TBCK: variants seen among roughly 807,000 people sequenced by gnomAD.
The protein encoded by TBCK is TBC domain-containing protein kinase-like protein.
In TBCK, 99 loss-of-function variants were observed where a neutral mutation model predicts 113.4. The observed-to-expected ratio is 0.87, with a 90% confidence interval of 0.74 to 1.03. The LOEUF is 1.03. Ranked by LOEUF, TBCK falls within the 50% of genes least tolerant of loss-of-function variation. The pLI, the probability that TBCK is intolerant of heterozygous loss-of-function variation, is 0.00. For missense variants in TBCK, 1,045 were observed against 1,061.3 expected, an observed-to-expected ratio of 0.98 and a Z score of 0.21; for synonymous variants, 369 against 370.8, an observed-to-expected ratio of 1.00 and a Z score of 0.05.
At chr4:106,242,441 A>C in intron 12 of TBCK, 29 bp downstream of exon 12, 1 of 1,542,632 alleles carries the variant, frequency 6.5e-7, no homozygotes. Context: ...AAAAAACCTA[A>C]AGCAGAACTG....
In TBCK at chr4:106,042,821, CCA is replaced by C. The variant is rs940937394; in HGVS notation, c.*3747_*3748del. ...GCCTGTTCTAAATCAGGAACTTACC[CCA>C]GACTTTCCACTGAACAACTCTGTCT... is the stretch of plus-strand genomic sequence containing the variant. On this transcript the variant is annotated 3_prime_UTR_variant, in exon 26 of 26. Coordinates refer to ENST00000394708, the MANE Select transcript of TBCK (RefSeq NM_001163435.3). The C allele has an allele frequency of 1.3e-5, 2 of 150,874 alleles. No homozygotes were observed. Among genetic ancestry groups the C allele is most frequent in the African/African-American group, 4.8e-5 (2 of 41,394 alleles). The allele number at this position is 150,874 out of a possible 1,614,324, so 9.3% of individuals were successfully genotyped here.
chr4:106,160,397 T>C (rs1364917221), intron 23 of TBCK, among the ~76,000 whole-genome samples: 1 of 151,886 alleles, frequency 6.6e-6, no homozygotes, highest in Non-Finnish European at 1.5e-5. Context: ...TGAGAATATA[T>C]AGAGAACTCC....
At chr4:106,069,267 T>A (rs1296462503) in intron 25 of TBCK, among the ~76,000 whole-genome samples, 8 of 152,250 alleles carry the variant, frequency 5.3e-5, no homozygotes, top group Admixed American at 5.2e-4. Flanking sequence ...CTAGGGTTTT[T>A]ATGGTTTTAG....
chr4:106,255,897 T>C (rs879837486), intron 5 of TBCK, among the ~76,000 whole-genome samples: 1 of 152,138 alleles, frequency 6.6e-6, no homozygotes, highest in Non-Finnish European at 1.5e-5. Context: ...TCCTCTCCAC[T>C]GGCAGGGTGT....
At chr4:106,264,011 T>C (rs1762743953) in intron 3 of TBCK, among the ~76,000 whole-genome samples, 1 of 152,046 alleles carries the variant, frequency 6.6e-6, no homozygotes. Context: ...CAGGTAGTTT[T>C]CAATTCTGGT....
At chr4:106,156,792 G>A (rs1475039967) in intron 23 of TBCK, among the ~76,000 whole-genome samples, 1 of 152,158 alleles carries the variant, frequency 6.6e-6, no homozygotes, top group Non-Finnish European at 1.5e-5. Flanking sequence ...GGCAGGTCCA[G>A]AAATGCTGTC....
At position 106,090,489 on chromosome 4, in the gene TBCK, G is replaced by A. The variant is rs1215358270; in HGVS notation, c.2571+4993C>T. ...TAGCACTTGGCTCCCTTTTAGTCAC[G>A]CTAATCTCTCTAGCAAATGGTTGCT... On this transcript the variant is annotated intron_variant, in intron 25 of 25. Transcript: ENST00000394708. Among the ~76,000 whole-genome samples, 12 of 152,270 alleles carry A rather than the reference G, an allele frequency of 7.9e-5. 1 individual carries two copies. The South Asian group carries it at 1.2e-3, about 16-fold the overall frequency.
At chr4:106,117,090 T>G (rs1743609639) in intron 23 of TBCK, among the ~76,000 whole-genome samples, 1 of 152,088 alleles carries the variant, frequency 6.6e-6, no homozygotes, top group African/African-American at 2.4e-5. Context: ...GAGGTTTACT[T>G]CTTTGTTATT....
intron 1 of TBCK, among the ~76,000 whole-genome samples, chr4:106,313,960 A>G (rs1434266670): frequency 1.3e-5 from 2 of 152,252 alleles, no homozygotes; most frequent in Non-Finnish European, 2.9e-5. Flanking sequence ...TATCATAAAT[A>G]ATCTCCTTAG....
chr4:106,111,589 A>G (rs977984524), intron 24 of TBCK, among the ~76,000 whole-genome samples: 1 of 152,176 alleles, frequency 6.6e-6, no homozygotes, highest in Non-Finnish European at 1.5e-5. Context: ...AGTAGAAAAG[A>G]ATTTCCTAAT....
intron 25 of TBCK, among the ~76,000 whole-genome samples, chr4:106,084,954 CA>C (rs1387956260): frequency 5.9e-5 from 9 of 151,902 alleles, no homozygotes; most frequent in South Asian, 2.1e-4. Flanking sequence ...ATGGAAAAAA[CA>C]AAACAAAACA....
intron 23 of TBCK, among the ~76,000 whole-genome samples, chr4:106,149,864 T>G (rs561105296): frequency 2.6e-5 from 4 of 152,304 alleles, no homozygotes; most frequent in Non-Finnish European, 5.9e-5. Flanking sequence ...CAAAACAAAC[T>G]CAAGTGTGCC....
intron 25 of TBCK, among the ~76,000 whole-genome samples, chr4:106,066,462 G>A (rs1330388892): frequency 1.3e-5 from 2 of 151,964 alleles, no homozygotes. Context: ...AGATAAGCGG[G>A]TGATATTAGG....
chr4:106,202,633 T>C (rs1480702075), intron 20 of TBCK, among the ~76,000 whole-genome samples: 2 of 152,174 alleles, frequency 1.3e-5, no homozygotes, highest in South Asian at 2.1e-4. Flanking sequence ...AGAAGATGAA[T>C]GCAAAAAGAT....
At chr4:106,100,562 T>G (rs1307249591) in intron 24 of TBCK, among the ~76,000 whole-genome samples, 4 of 151,686 alleles carry the variant, frequency 2.6e-5, no homozygotes, top group African/African-American at 9.8e-5. Flanking sequence ...TGACAGGATA[T>G]GAATGAATGA....
chr4:106,131,510 G>A (rs914359985), intron 23 of TBCK, among the ~76,000 whole-genome samples: 1 of 152,210 alleles, frequency 6.6e-6, no homozygotes, highest in Non-Finnish European at 1.5e-5. Context: ...CTACTTGGGA[G>A]GCTGAGGCAG....
At chr4:106,310,915 A>T (rs962580371) in intron 1 of TBCK, among the ~76,000 whole-genome samples, 2 of 152,192 alleles carry the variant, frequency 1.3e-5, no homozygotes, top group Non-Finnish European at 2.9e-5. Context: ...CATCCATTAC[A>T]TAAAACAAGT....
chr4:106,095,294 T>C (rs1740772079), intron 25 of TBCK, among the ~76,000 whole-genome samples, 188 bp downstream of exon 25: 1 of 152,234 alleles, frequency 6.6e-6, no homozygotes. Flanking sequence ...ATTCTGATGC[T>C]GAACACTGAA....
At chr4:106,100,266 A>AACATC (rs1411677115) in intron 24 of TBCK, among the ~76,000 whole-genome samples, 6 of 132,294 alleles carry the variant, frequency 4.5e-5, no homozygotes. Context: ...GAATGCTTAG[A>AACATC]ACATCACTTA....
Sources: gnomAD v4.1 joint callset for allele counts (sites outside exome capture counted in the v4.1 genomes callset) on GRCh38, gnomAD v4.1.1 for gene constraint, MANE v1.5 for transcripts, NCBI Gene and HGNC (gene_info 2026-07-23, HGNC 2026-07-21) for gene names.